Variants in KCTD16 observed in about 807,000 individuals in gnomAD.
KCTD16 encodes potassium channel tetramerization domain containing 16.
In KCTD16, 13 loss-of-function variants were observed where a neutral mutation model predicts 33.2. The ratio of observed to expected loss-of-function variants is 0.39; its 90% CI spans 0.25 to 0.62. The LOEUF is 0.62. Among genes scored for constraint, KCTD16 ranks in the 20% least tolerant of loss-of-function variants. The pLI is 0.50. For synonymous variants in KCTD16, 197 were observed against 195.3 expected, an observed-to-expected ratio of 1.01 and a Z score of -0.07; for missense variants, 441 against 525.1, an observed-to-expected ratio of 0.84 and a Z score of 1.57.
chr5:144,332,980 G>A (rs2562256), intron 3 of KCTD16, among the ~76,000 whole-genome samples: 50,530 of 151,924 alleles, frequency 0.33, 9,053 homozygotes, highest in African/African-American at 0.46. Context: ...CTTATTCACT[G>A]TCATGAAAAC....
At chr5:144,268,493 G>T (rs1755207706) in intron 3 of KCTD16, among the ~76,000 whole-genome samples, 1 of 152,156 alleles carries the variant, frequency 6.6e-6, no homozygotes, top group Non-Finnish European at 1.5e-5. Flanking sequence ...AACTGCACAT[G>T]CACAGAGAGA....
intron 3 of KCTD16, among the ~76,000 whole-genome samples, chr5:144,464,581 A>T (rs1247395891): frequency 2.0e-5 from 3 of 152,188 alleles, no homozygotes; most frequent in Non-Finnish European, 4.4e-5. Flanking sequence ...GTGTTATTAG[A>T]ATAAGATAAA....
chr5:144,177,524 T>C (rs961495474), intron 2 of KCTD16, among the ~76,000 whole-genome samples: 1 of 152,192 alleles, frequency 6.6e-6, no homozygotes, highest in African/African-American at 2.4e-5. Context: ...TCCGTACCTC[T>C]TTTGCAGCTT....
chr5:144,293,411 T>C (rs1471083795), intron 3 of KCTD16, among the ~76,000 whole-genome samples: 1 of 152,246 alleles, frequency 6.6e-6, no homozygotes, highest in Non-Finnish European at 1.5e-5. Flanking sequence ...GTTCATTGTC[T>C]CTATAGTTCT....
In KCTD16 at chr5:144,485,129, T is replaced by C. The variant is rs1280833057; in HGVS notation, c.*11015T>C. The C allele has an allele frequency of 6.6e-6, 1 of 151,942 alleles. No individual in the cohort carries two copies. The highest frequency in any genetic ancestry group is 2.4e-5 in the African/African-American group (1 of 41,420). The allele number at this position is 151,942 out of a possible 1,614,324, so 9.4% of individuals were successfully genotyped here. A position where few individuals can be genotyped will look rare whatever the true frequency, so the allele number is the denominator to read the frequency against. On this transcript the variant is annotated 3_prime_UTR_variant, in exon 4 of 4. Coordinates refer to ENST00000512467, the MANE Select transcript of KCTD16 (RefSeq NM_020768.4). Reference sequence around the variant, plus strand: ...CTGTTTTTACCTTGGGATGTAACACTGTAGATCTTCGCCTGCTGTATTTCT... The same window carrying C: ...CTGTTTTTACCTTGGGATGTAACACCGTAGATCTTCGCCTGCTGTATTTCT...
At chr5:144,188,532 T>G (rs1752773959) in intron 2 of KCTD16, among the ~76,000 whole-genome samples, 3 of 152,210 alleles carry the variant, frequency 2.0e-5, no homozygotes, top group Non-Finnish European at 4.4e-5. Context: ...CATTTCAACC[T>G]CTGGCAAATT....
chr5:144,288,014 A>C (rs1755795142), intron 3 of KCTD16, among the ~76,000 whole-genome samples: 1 of 152,152 alleles, frequency 6.6e-6, no homozygotes, highest in Non-Finnish European at 1.5e-5. Flanking sequence ...ATTGATTTTT[A>C]AACTTTAGTG....
chr5:144,181,751 G>T (rs1443344170), intron 2 of KCTD16, among the ~76,000 whole-genome samples: 3 of 152,182 alleles, frequency 2.0e-5, no homozygotes. Context: ...AAGTTGTTGT[G>T]TTGGAAACTG....
In KCTD16 at chr5:144,474,909, C is replaced by T. The variant is rs1754561634; in HGVS notation, c.*795C>T. 1 of 152,200 alleles carries T rather than the reference C, an allele frequency of 6.6e-6. No individual in the cohort carries two copies. Among genetic ancestry groups the T allele is most frequent in the Non-Finnish European group, 1.5e-5 (1 of 68,042 alleles). 9.4% of individuals were successfully genotyped at this position (152,200 alleles called of 1,614,324 possible). A position where few individuals can be genotyped will look rare whatever the true frequency, so the allele number is the denominator to read the frequency against. On this transcript the variant is annotated 3_prime_UTR_variant, in exon 4 of 4. Coordinates refer to ENST00000512467, the MANE Select transcript of KCTD16 (RefSeq NM_020768.4). ...AATACCCTCAGGCTCCATTTTACTG[C>T]TTTGCTCTTTGTCTGCATTAAGAGA...
Position 144,476,993 on chromosome 5 carries a change from A to G in KCTD16, c.*2879A>G, listed in dbSNP as rs1330212689. 6.6e-6 allele frequency: 1 copy of G among 152,182 alleles called. No homozygotes were observed. Among genetic ancestry groups the G allele is most frequent in the Admixed American group, 6.5e-5 (1 of 15,270 alleles). The allele number at this position is 152,182 out of a possible 1,614,324, so 9.4% of individuals were successfully genotyped here. ...GTGGATACAATGAATGGGGAATCAC[A>G]TGTGTAGAGCCCCAACTTAGATTGC... On this transcript the variant is annotated 3_prime_UTR_variant, in exon 4 of 4. Coordinates refer to ENST00000512467, the MANE Select transcript of KCTD16 (RefSeq NM_020768.4).
intron 3 of KCTD16, among the ~76,000 whole-genome samples, chr5:144,466,501 G>T (rs989541756): frequency 6.6e-6 from 1 of 152,016 alleles, no homozygotes; most frequent in Non-Finnish European, 1.5e-5. Context: ...TGTTCAAATA[G>T]CTGGTTACTT....
chr5:144,450,382 A>C (rs188223750), intron 3 of KCTD16, among the ~76,000 whole-genome samples: 39 of 152,210 alleles, frequency 2.6e-4, no homozygotes, highest in Non-Finnish European at 4.7e-4. Context: ...TATAGAAAAC[A>C]ATGTGAAGTT....
chr5:144,386,950 G>A (rs1752336986), intron 3 of KCTD16, among the ~76,000 whole-genome samples: 2 of 151,918 alleles, frequency 1.3e-5, no homozygotes, highest in Admixed American at 1.3e-4. Flanking sequence ...GCTTACATCT[G>A]TAGAGCCCTT....
chr5:144,377,271 A>G (rs138929296), intron 3 of KCTD16, among the ~76,000 whole-genome samples: 37 of 152,168 alleles, frequency 2.4e-4, no homozygotes, highest in African/African-American at 7.5e-4. Flanking sequence ...GGTCCTGGAT[A>G]CAGCATACAT....
At chr5:144,224,084 T>C (rs1753850604) in intron 3 of KCTD16, among the ~76,000 whole-genome samples, 2 of 152,342 alleles carry the variant, frequency 1.3e-5, no homozygotes, top group South Asian at 2.1e-4. Flanking sequence ...CTTTGACTTA[T>C]ATTTAGTTCT....
chr5:144,340,220 G>C (rs1752594718), intron 3 of KCTD16, among the ~76,000 whole-genome samples: 1 of 151,984 alleles, frequency 6.6e-6, no homozygotes, highest in Admixed American at 6.5e-5. Flanking sequence ...GGAGACCACA[G>C]TGAAACCCCG....
chr5:144,332,947 G>A (rs1334436897), intron 3 of KCTD16, among the ~76,000 whole-genome samples: 1 of 152,100 alleles, frequency 6.6e-6, no homozygotes, highest in Non-Finnish European at 1.5e-5. Context: ...ATGTGTGCAG[G>A]GGAACCATCA....
intron 3 of KCTD16, among the ~76,000 whole-genome samples, chr5:144,272,971 AT>A (rs1048823510): frequency 1.1e-4 from 17 of 152,192 alleles, no homozygotes; most frequent in Admixed American, 6.5e-4. Context: ...AAATAAAAAA[AT>A]ATATACTCCA....
intron 3 of KCTD16, among the ~76,000 whole-genome samples, chr5:144,467,450 C>T (rs1004320876): frequency 5.3e-4 from 80 of 152,216 alleles, no homozygotes; most frequent in Non-Finnish European, 1.0e-3. Flanking sequence ...TCTGTGTGTG[C>T]CCTGGAGCAC....
Sources: gnomAD v4.1 joint callset for allele counts (sites outside exome capture counted in the v4.1 genomes callset) on GRCh38, gnomAD v4.1.1 for gene constraint, MANE v1.5 for transcripts, NCBI Gene and HGNC (gene_info 2026-07-23, HGNC 2026-07-21) for gene names.